STAG1: variants seen among roughly 807,000 people sequenced by gnomAD.
The protein encoded by STAG1 is cohesin subunit SA-1.
In STAG1, 26 loss-of-function variants were observed where a neutral mutation model predicts 170.9. The observed-to-expected ratio is 0.15, with a 90% CI of 0.11 to 0.21. The LOEUF (loss-of-function observed/expected upper bound fraction) is 0.21, where lower values mean the gene tolerates loss of function less well. STAG1 is among the 10% of genes least tolerant of loss of function. STAG1 has a pLI of 1.00. For synonymous variants in STAG1, 514 were observed against 497.7 expected (o/e 1.03, Z -0.44); for missense variants, 964 against 1,509.5 (o/e 0.64, Z 5.99).
intron 6 of STAG1, among the ~76,000 whole-genome samples, chr3:136,522,733 C>G (rs940697155): frequency 7.7e-6 from 1 of 130,392 alleles, no homozygotes; most frequent in Non-Finnish European, 1.6e-5. Flanking sequence ...CCCCACCCCA[C>G]GGCAGGTCCC....
intron 19 of STAG1, among the ~76,000 whole-genome samples, chr3:136,421,767 T>C (rs1449904048): frequency 2.0e-5 from 3 of 152,206 alleles, no homozygotes; most frequent in African/African-American, 7.2e-5. Context: ...TTGTACGCTC[T>C]ATTCATTAGC....
At chr3:136,742,060 AC>A (rs2107952155) in intron 1 of STAG1, among the ~76,000 whole-genome samples, 1 of 152,356 alleles carries the variant, frequency 6.6e-6, no homozygotes, top group East Asian at 1.9e-4. Context: ...GAAAAACTTG[AC>A]AGAATTAAGG....
intron 4 of STAG1, among the ~76,000 whole-genome samples, chr3:136,584,615 T>G (rs572504880): frequency 2.0e-5 from 3 of 152,314 alleles, no homozygotes; most frequent in African/African-American, 2.4e-5. Context: ...GCTGAGGTAT[T>G]TTGATATTCT....
intron 6 of STAG1, among the ~76,000 whole-genome samples, chr3:136,534,276 G>A (rs1559865004): frequency 6.6e-6 from 1 of 152,084 alleles, no homozygotes; most frequent in Non-Finnish European, 1.5e-5. Flanking sequence ...AGACTTAACT[G>A]TAAGACCTGA....
At chr3:136,410,891 T>C (rs553397501) in intron 21 of STAG1, among the ~76,000 whole-genome samples, 1 of 151,966 alleles carries the variant, frequency 6.6e-6, no homozygotes, top group Non-Finnish European at 1.5e-5. Context: ...TGAGAATCTC[T>C]TGAAAATACA....
At chr3:136,475,793 A>G (rs1367010372) in intron 10 of STAG1, among the ~76,000 whole-genome samples, 1 of 152,222 alleles carries the variant, frequency 6.6e-6, no homozygotes, top group Non-Finnish European at 1.5e-5. Flanking sequence ...TTAAGTGGCT[A>G]TTGCTAAGTG....
At chr3:136,420,099 T>G (rs547596222) in intron 20 of STAG1, among the ~76,000 whole-genome samples, 78 of 151,806 alleles carry the variant, frequency 5.1e-4, no homozygotes, top group Non-Finnish European at 9.3e-4. Flanking sequence ...ATATAAAAAT[T>G]AGCTGAGCAA....
chr3:136,640,369 T>C (rs1940743972), intron 1 of STAG1, among the ~76,000 whole-genome samples: 1 of 134,196 alleles, frequency 7.5e-6, no homozygotes, highest in Admixed American at 7.3e-5. Flanking sequence ...ATTAGATAAC[T>C]TTTTTTTTTT....
chr3:136,430,907 T>TC (rs2088283996), intron 16 of STAG1, among the ~76,000 whole-genome samples: 1 of 147,524 alleles, frequency 6.8e-6, no homozygotes, highest in South Asian at 2.1e-4. Flanking sequence ...TTTACATTCT[T>TC]CCTTTTTTTT....
chr3:136,371,825 A>T (rs1937354913), intron 23 of STAG1, among the ~76,000 whole-genome samples: 1 of 152,126 alleles, frequency 6.6e-6, no homozygotes, highest in Non-Finnish European at 1.5e-5. Flanking sequence ...CTTAGGATTG[A>T]CTTGGCAATA....
chr3:136,745,868 A>G (rs931760096), intron 1 of STAG1, among the ~76,000 whole-genome samples: 1 of 152,226 alleles, frequency 6.6e-6, no homozygotes, highest in African/African-American at 2.4e-5. Context: ...ATGTTTTTAA[A>G]AAGTTTATGA....
intron 22 of STAG1, among the ~76,000 whole-genome samples, chr3:136,392,387 AAT>A (rs1164439777): frequency 2.6e-5 from 4 of 152,326 alleles, no homozygotes; most frequent in African/African-American, 7.2e-5. Context: ...AACTGAAGAA[AAT>A]ATGTTAATTG....
intron 1 of STAG1, among the ~76,000 whole-genome samples, chr3:136,647,009 A>G (rs573211723): frequency 2.6e-5 from 4 of 152,322 alleles, no homozygotes; most frequent in South Asian, 2.1e-4. Context: ...GATGATACAC[A>G]TGCTAATTAC....
At chr3:136,628,891 A>G (rs1481746213) in intron 2 of STAG1, among the ~76,000 whole-genome samples, 5 of 152,338 alleles carry the variant, frequency 3.3e-5, no homozygotes, top group Middle Eastern at 6.8e-3. Flanking sequence ...AGCAATTACA[A>G]TATCTAAGTA....
chr3:136,357,926 G>A, intron 27 of STAG1, 78 bp from the exon 28 acceptor site: 2 of 1,232,050 alleles, frequency 1.6e-6, no homozygotes, highest in Non-Finnish European at 2.3e-6. Context: ...ACAAATATTT[G>A]TGAAGGTAGT....
At chr3:136,744,463 C>T (rs1258790747) in intron 1 of STAG1, among the ~76,000 whole-genome samples, 4 of 152,140 alleles carry the variant, frequency 2.6e-5, no homozygotes, top group African/African-American at 9.7e-5. Context: ...ATTTACACTG[C>T]TGACAAAAGT....
intron 1 of STAG1, among the ~76,000 whole-genome samples, chr3:136,700,948 C>T (rs1943039794): frequency 8.2e-6 from 1 of 121,848 alleles, no homozygotes. Context: ...GCGGCATGAT[C>T]TTGGCTCAAT....
chr3:136,745,544 T>TGCAGTTC (rs1934892982), intron 1 of STAG1, among the ~76,000 whole-genome samples: 1 of 152,180 alleles, frequency 6.6e-6, no homozygotes, highest in African/African-American at 2.4e-5. Flanking sequence ...CCCTTGTATG[T>TGCAGTTC]GCAGTTCACA....
chr3:136,691,442 A>C (rs1942719862), intron 1 of STAG1, among the ~76,000 whole-genome samples: 1 of 151,970 alleles, frequency 6.6e-6, no homozygotes, highest in Admixed American at 6.6e-5. Flanking sequence ...AAAAAAAAAA[A>C]AATTAGCTGG....
Sources: allele counts gnomAD v4.1 joint callset (sites outside exome capture counted in the v4.1 genomes callset), GRCh38; gene constraint gnomAD v4.1.1; transcripts MANE v1.5; gene names NCBI Gene and HGNC (gene_info 2026-07-23, HGNC 2026-07-21).